The following XKR6 variants were observed in gnomAD, a reference collection of about 807,000 sequenced individuals.
XKR6 encodes the protein XK related 6.
Under a neutral mutation model 56.7 loss-of-function variants are expected in XKR6, and 22 were observed. The observed-to-expected ratio is 0.39, with a 90% CI of 0.28 to 0.55. The LOEUF (loss-of-function observed/expected upper bound fraction) is 0.55, where lower values mean the gene tolerates loss of function less well. Ranked by LOEUF, XKR6 falls within the 20% of genes least tolerant of loss-of-function variation. The pLI, the probability that XKR6 is intolerant of heterozygous loss-of-function variation, is 0.66. For missense variants in XKR6, 852 were observed against 889.0 expected (o/e 0.96, Z 0.53); for synonymous variants, 524 against 387.8 (o/e 1.35, Z -4.13).
intron 1 of XKR6, among the ~76,000 whole-genome samples, chr8:11,045,497 T>G (rs984918359): frequency 6.6e-6 from 1 of 152,148 alleles, no homozygotes; most frequent in African/African-American, 2.4e-5. Context: ...CTTCTTAGGG[T>G]CTGTGTGACT....
chr8:10,922,534 C>T (rs958936000), intron 2 of XKR6, among the ~76,000 whole-genome samples: 7 of 152,238 alleles, frequency 4.6e-5, no homozygotes, highest in African/African-American at 1.7e-4. Flanking sequence ...GCTGGTCTTG[C>T]TCCAGAATCA....
intron 1 of XKR6, among the ~76,000 whole-genome samples, chr8:11,168,008 G>C (rs886072715): frequency 1.8e-4 from 28 of 151,472 alleles, no homozygotes; most frequent in Admixed American, 3.3e-4. Context: ...AAAAATAGTT[G>C]GGAAAAGTCA....
chr8:11,183,048 CCTTT>C (rs1194544972), intron 1 of XKR6, among the ~76,000 whole-genome samples: 2 of 152,142 alleles, frequency 1.3e-5, no homozygotes, highest in African/African-American at 4.8e-5. Context: ...GTTAGAATTG[CCTTT>C]TTTTTGAGGC....
At chr8:10,949,608 C>T (rs1342148516) in intron 1 of XKR6, among the ~76,000 whole-genome samples, 1 of 152,232 alleles carries the variant, frequency 6.6e-6, no homozygotes, top group Non-Finnish European at 1.5e-5. Context: ...ACCGTTAGTG[C>T]CCTAACAGGG....
intron 1 of XKR6, among the ~76,000 whole-genome samples, chr8:11,000,082 T>C (rs976167351): frequency 1.3e-5 from 2 of 152,152 alleles, no homozygotes; most frequent in African/African-American, 2.4e-5. Context: ...ACACTCATGT[T>C]AAAGACAAAG....
At chr8:11,030,964 G>C (rs1389408844) in intron 1 of XKR6, among the ~76,000 whole-genome samples, 4 of 152,172 alleles carry the variant, frequency 2.6e-5, no homozygotes, top group Non-Finnish European at 5.9e-5. Flanking sequence ...AGAAAACTGA[G>C]GCTCTGAGAA....
chr8:10,971,942 A>G (rs1038439674), intron 1 of XKR6, among the ~76,000 whole-genome samples: 6 of 152,210 alleles, frequency 3.9e-5, no homozygotes, highest in Non-Finnish European at 7.3e-5. Context: ...GTTGATTTCC[A>G]AAAATGGATT....
At chr8:10,939,635 C>T (rs762565959) in intron 1 of XKR6, among the ~76,000 whole-genome samples, 5 of 152,234 alleles carry the variant, frequency 3.3e-5, no homozygotes, top group Non-Finnish European at 7.3e-5. Flanking sequence ...GGTGGTCACG[C>T]AGAAGGGGCC....
chr8:10,972,370 C>G (rs1016508937), intron 1 of XKR6, among the ~76,000 whole-genome samples: 1 of 152,188 alleles, frequency 6.6e-6, no homozygotes, highest in African/African-American at 2.4e-5. Context: ...ATGGAAAGGA[C>G]AGATATGTGC....
At chr8:11,076,769 C>G (rs559178317) in intron 1 of XKR6, among the ~76,000 whole-genome samples, 2 of 152,304 alleles carry the variant, frequency 1.3e-5, no homozygotes, top group East Asian at 3.9e-4. Flanking sequence ...GTGGCCTGGC[C>G]AACTCTGGGC....
chr8:11,183,164 C>G (rs1391787463), intron 1 of XKR6, among the ~76,000 whole-genome samples: 1 of 152,180 alleles, frequency 6.6e-6, no homozygotes, highest in Non-Finnish European at 1.5e-5. Flanking sequence ...AATAGTGCTG[C>G]TATGAATGTG....
chr8:11,035,114 C>G (rs1799105229), intron 1 of XKR6: 1 of 485,436 alleles, frequency 2.1e-6, no homozygotes, highest in Non-Finnish European at 4.3e-6. Context: ...TGATACTTAC[C>G]TTAAAGGGCT....
At chr8:11,038,141 C>T (rs774994886) in intron 1 of XKR6, among the ~76,000 whole-genome samples, 2 of 152,026 alleles carry the variant, frequency 1.3e-5, no homozygotes, top group Non-Finnish European at 2.9e-5. Context: ...CGGTTTTTCT[C>T]ATTTGCAAGT....
chr8:11,003,108 G>A (rs1396593033), intron 1 of XKR6, among the ~76,000 whole-genome samples: 1 of 152,146 alleles, frequency 6.6e-6, no homozygotes, highest in African/African-American at 2.4e-5. Flanking sequence ...AGCCAACCAG[G>A]TTAATTCAGG....
intron 1 of XKR6, among the ~76,000 whole-genome samples, chr8:10,977,251 C>A (rs1802594269): frequency 6.6e-6 from 1 of 152,092 alleles, no homozygotes; most frequent in Non-Finnish European, 1.5e-5. Context: ...CTGCCTGAAA[C>A]CATGGAGATT....
intron 1 of XKR6, among the ~76,000 whole-genome samples, chr8:10,951,770 A>G (rs1801731541): frequency 6.6e-6 from 1 of 152,178 alleles, no homozygotes; most frequent in South Asian, 2.1e-4. Flanking sequence ...GCTGCATGTC[A>G]GTGGCCTTGG....
chr8:10,958,886 G>A (rs540576286), intron 1 of XKR6, among the ~76,000 whole-genome samples: 35 of 152,350 alleles, frequency 2.3e-4, no homozygotes, highest in African/African-American at 8.4e-4. Flanking sequence ...CAGCTCTGAG[G>A]GAGCAGCAGC....
intron 1 of XKR6, among the ~76,000 whole-genome samples, chr8:11,155,294 T>C (rs1326212528): frequency 6.6e-6 from 1 of 152,250 alleles, no homozygotes; most frequent in Admixed American, 6.5e-5. Flanking sequence ...TATTAGTTAA[T>C]TACGGGTCGA....
chr8:11,115,613 A>C (rs1799134619), intron 1 of XKR6, among the ~76,000 whole-genome samples: 1 of 147,846 alleles, frequency 6.8e-6, no homozygotes, highest in Admixed American at 6.7e-5. Flanking sequence ...GACATTTTTT[A>C]ATTGTGTGGG....
Sources: allele counts gnomAD v4.1 joint callset (sites outside exome capture counted in the v4.1 genomes callset), GRCh38; gene constraint gnomAD v4.1.1; transcripts MANE v1.5; gene names NCBI Gene and HGNC (gene_info 2026-07-23, HGNC 2026-07-21).